The following TTC38 variants were observed in gnomAD, a reference collection of about 807,000 sequenced individuals.
TTC38 encodes the protein tetratricopeptide repeat domain 38.
TTC38 carries 64 observed loss-of-function variants against 64.2 expected under a neutral mutation model. That is an observed-to-expected ratio of 1.00 (90% CI 0.81 to 1.23). TTC38 has a LOEUF of 1.23. Among genes scored for constraint, TTC38 ranks in the 50% most tolerant of loss-of-function variants. The probability of loss-of-function intolerance (pLI) is 0.00; values close to 1 mark genes in which losing one functional copy is unlikely to be tolerated. For synonymous variants in TTC38, 254 were observed against 249.3 expected (o/e 1.02, Z -0.18); for missense variants, 573 against 615.5 (o/e 0.93, Z 0.73).
chr22:46,283,920 T>C (rs1347708900), intron 7 of TTC38, 53 bp from the exon 8 acceptor site: 38 of 1,320,110 alleles, frequency 2.9e-5, no homozygotes, highest in Non-Finnish European at 4.0e-5. Context: ...ATTTGTTTTT[T>C]TCCCATAGGC....
rs567579500 is a variant in TTC38 at position 46,279,177 on chromosome 22, TG to T, written c.615+519del. On this transcript the variant is annotated intron_variant, in intron 6 of 13. Coordinates refer to ENST00000381031, the MANE Select transcript of TTC38 (RefSeq NM_017931.4). ...TCATTGCTGGGTGCCCATGTGTACCTGGGCCCAGGGCTGGGTGGCAGGCTGC... is the reference window on the plus strand; with the variant it reads ...TCATTGCTGGGTGCCCATGTGTACCTGGCCCAGGGCTGGGTGGCAGGCTGC... 8.3e-4 allele frequency among the ~76,000 whole-genome samples: 127 copies of T among 152,308 alleles called. 1 individual carries two copies. Among genetic ancestry groups the T allele is most frequent in the African/African-American group, 2.9e-3 (120 of 41,564 alleles).
chr22:46,282,646 A>G lies in TTC38; in HGVS notation c.735+928A>G, dbSNP rs1277544779. ...CGGGCCTCCAGATTCGGCTCTGTCA[A>G]GGGGGCAGTGGTCAGGTTCCCTTCT... On this transcript the variant is annotated intron_variant, in intron 7 of 13. Transcript: ENST00000381031. The surrounding 1 kb of genome is among the most constrained non-coding windows in gnomAD (Gnocchi z 4.4). Among the ~76,000 whole-genome samples the G allele has an allele frequency of 1.3e-5, 2 of 152,178 alleles. No homozygotes were observed. The highest frequency in any genetic ancestry group is 2.4e-5 in the African/African-American group (1 of 41,434).
chr22:46,292,699 C>T lies in TTC38; in HGVS notation c.1317-92C>T, dbSNP rs6008556. The T allele has an allele frequency of 0.012, 13,555 of 1,166,882 alleles. 988 individuals carry two copies. In the African/African-American group the frequency reaches 0.17, roughly 14 times the overall value. The allele number at this position is 1,166,882 out of a possible 1,614,324, so 72.3% of individuals were successfully genotyped here. Reference sequence around the variant, plus strand: ...TGTTCCCTCAGTGCCGCAGTCTAGCCTGCCTGTGTTCTGCCTTGGGACCAA... The same window carrying T: ...TGTTCCCTCAGTGCCGCAGTCTAGCTTGCCTGTGTTCTGCCTTGGGACCAA... On this transcript the variant is annotated intron_variant, in intron 13 of 13. Coordinates refer to ENST00000381031, the MANE Select transcript of TTC38 (RefSeq NM_017931.4). The surrounding 1 kb of genome is among the most constrained non-coding windows in gnomAD (Gnocchi z 6.5).
At chr22:46,277,046 T>C (rs130644) in intron 5 of TTC38, among the ~76,000 whole-genome samples, 12,936 of 131,148 alleles carry the variant, frequency 0.099, 1,409 homozygotes, top group African/African-American at 0.3. Flanking sequence ...TATATATACA[T>C]ACACACACAC....
In TTC38 at chr22:46,272,959, G is replaced by A. The variant is rs778585188; in HGVS notation, c.193+543G>A. On this transcript the variant is annotated intron_variant, in intron 3 of 13. Coordinates refer to ENST00000381031, the MANE Select transcript of TTC38 (RefSeq NM_017931.4). This position sits in a 1 kb window ranked among gnomAD's most constrained non-coding sequence, Gnocchi z 6.4. ...CAGTGCATTGCAGGTGGGTGGTCCC[G>A]TGGTGCGGCAAGGTTCCGGGCCTGG... 5.9e-5 allele frequency among the ~76,000 whole-genome samples: 9 copies of A among 152,210 alleles called. No homozygotes were observed. The highest frequency in any genetic ancestry group is 1.0e-4 in the Non-Finnish European group (7 of 68,032).
At chr22:46,269,994 A>G (rs1936859886) in intron 2 of TTC38, among the ~76,000 whole-genome samples, 1 of 152,082 alleles carries the variant, frequency 6.6e-6, no homozygotes, top group African/African-American at 2.4e-5. Flanking sequence ...GGGTTTCACC[A>G]TGTTGGTCAG....
In TTC38 at chr22:46,274,376, G is replaced by A. The variant is rs1229487157; in HGVS notation, c.365+307G>A. On this transcript the variant is annotated intron_variant, in intron 4 of 13. Coordinates refer to ENST00000381031, the MANE Select transcript of TTC38 (RefSeq NM_017931.4). This position sits in a 1 kb window ranked among gnomAD's most constrained non-coding sequence, Gnocchi z 4.8. ...TAGGGTCACACTACAGAAATTACTAGGTTAGGGAAGAGAGAAGAAAACATG... is the reference window on the plus strand; with the variant it reads ...TAGGGTCACACTACAGAAATTACTAAGTTAGGGAAGAGAGAAGAAAACATG... 6.6e-6 allele frequency among the ~76,000 whole-genome samples: 1 copy of A among 152,204 alleles called. No individual in the cohort carries two copies. Among genetic ancestry groups the A allele is most frequent in the Non-Finnish European group, 1.5e-5 (1 of 68,032 alleles).
At position 46,291,130 on chromosome 22, in the gene TTC38, G is replaced by A. The variant is rs1011691824; in HGVS notation, c.1316+1231G>A. The stretch of plus-strand genomic sequence containing the variant: ...AGGTCTGGCTGGCAGCACTGGAACC[G>A]CCTAGAACTGTAAAATGTCTTGGAC... On this transcript the variant is annotated intron_variant, in intron 13 of 13. Transcript: ENST00000381031. The surrounding 1 kb of genome is among the most constrained non-coding windows in gnomAD (Gnocchi z 4.6). 6.6e-6 allele frequency among the ~76,000 whole-genome samples: 1 copy of A among 152,216 alleles called. No individual in the cohort carries two copies. Among genetic ancestry groups the A allele is most frequent in the Non-Finnish European group, 1.5e-5 (1 of 68,040 alleles).
intron 7 of TTC38, among the ~76,000 whole-genome samples, chr22:46,283,560 T>C (rs2077549739): frequency 6.6e-6 from 1 of 152,090 alleles, no homozygotes; most frequent in Non-Finnish European, 1.5e-5. Context: ...TCAAAGATGA[T>C]GGTTTCTGTG....
Position 46,288,489 on chromosome 22 carries a change from T to TCCTG in TTC38, c.985_988dup (p.Leu330ProfsTer5), listed in dbSNP as rs1218417897. The TCCTG allele has an allele frequency of 7.4e-6, 12 of 1,613,818 alleles. No individual in the cohort carries two copies. Among genetic ancestry groups the TCCTG allele is most frequent in the Non-Finnish European group, 8.5e-6 (10 of 1,179,900 alleles). On this transcript the variant is annotated frameshift_variant, in exon 11 of 14. Coordinates refer to ENST00000381031, the MANE Select transcript of TTC38 (RefSeq NM_017931.4). LOFTEE classifies it high-confidence loss of function. ...GCCCGGAAGCACAGCCGAGACCACATCCTGCTGTTCAATGACGCACACTTC... is the reference window on the plus strand; with the variant it reads ...GCCCGGAAGCACAGCCGAGACCACATCCTGCCTGCTGTTCAATGACGCACACTTC...
rs2147781393 is a variant in TTC38 at position 46,268,552 on chromosome 22, C to G, written c.72C>G (p.Ser24Arg). ...KDARLPLSTT[S>R]NEACKLFDAT... ...CGAGGCTCCCGCTCTCCACCACAAG[C>G]AACGAAGCCTGCAAGCTGTTCGATG... Residue 24 changes from serine (S) to arginine (R), a missense_variant, in exon 2 of 14, where the codon AGC becomes AGG. By Grantham distance (110) the Ser-to-Arg change is moderately radical. Around this residue, in one of 3 missense-constraint regions of TTC38, gnomAD observed 134 missense variants for 126.5 expected, o/e 1.06. Transcript: ENST00000381031. 6.2e-7 allele frequency: 1 copy of G among 1,614,114 alleles called. No homozygotes were observed. Among genetic ancestry groups the G allele is most frequent in the South Asian group, 1.1e-5 (1 of 91,088 alleles).
chr22:46,275,889 C>T lies in TTC38; in HGVS notation c.539+468C>T, dbSNP rs1936997599. 6.6e-6 allele frequency among the ~76,000 whole-genome samples: 1 copy of T among 152,148 alleles called. No individual in the cohort carries two copies. Among genetic ancestry groups the T allele is most frequent in the Admixed American group, 6.5e-5 (1 of 15,278 alleles). On this transcript the variant is annotated intron_variant, in intron 5 of 13. Coordinates refer to ENST00000381031, the MANE Select transcript of TTC38 (RefSeq NM_017931.4). This position sits in a 1 kb window ranked among gnomAD's most constrained non-coding sequence, Gnocchi z 4.5. ...TAAAGGTTTAGAATGAAAGGATACC[C>T]TGCCACTCCCAAGTCATTGGCCAGA...
rs1039120879 is a variant in TTC38, at chr22:46,271,369, C to T, written c.112-966C>T. Among the ~76,000 whole-genome samples the T allele has an allele frequency of 6.6e-6, 1 of 152,038 alleles. No homozygotes were observed. Among genetic ancestry groups the T allele is most frequent in the East Asian group, 1.9e-4 (1 of 5,188 alleles). ...CTGGGATTACAGGCGCCCACCACCA[C>T]ACCCGGCTGATTTTTTGTATCTTTA... On this transcript the variant is annotated intron_variant, in intron 2 of 13. Coordinates refer to ENST00000381031, the MANE Select transcript of TTC38 (RefSeq NM_017931.4). The surrounding 1 kb of genome is among the most constrained non-coding windows in gnomAD (Gnocchi z 5.5).
rs569052989 is a variant in TTC38, at chr22:46,280,918, T to C, written c.616-681T>C. On this transcript the variant is annotated intron_variant, in intron 6 of 13. Coordinates refer to ENST00000381031, the MANE Select transcript of TTC38 (RefSeq NM_017931.4). ...TAAGCTCTGACTGTGGCTGAGTAGA[T>C]GCTTAGCAAACATGAGCTGAACACA... Among the ~76,000 whole-genome samples, 193 of 152,338 alleles carry C rather than the reference T, an allele frequency of 1.3e-3. 1 individual carries two copies. The highest frequency in any genetic ancestry group is 3.4e-3 in the Middle Eastern group (1 of 294).
Position 46,274,483 on chromosome 22 carries a change from C to T in TTC38, c.365+414C>T, listed in dbSNP as rs890018181. 2.0e-5 allele frequency among the ~76,000 whole-genome samples: 3 copies of T among 152,202 alleles called. No individual in the cohort carries two copies. The highest frequency in any genetic ancestry group is 2.9e-5 in the Non-Finnish European group (2 of 68,038). ...TCTTGCACTGACTTTCACATCATCC[C>T]CCCGCTGTTCCTATGCTGGTTCCCT... is the stretch of plus-strand genomic sequence containing the variant. On this transcript the variant is annotated intron_variant, in intron 4 of 13. Coordinates refer to ENST00000381031, the MANE Select transcript of TTC38 (RefSeq NM_017931.4). The surrounding 1 kb of genome is among the most constrained non-coding windows in gnomAD (Gnocchi z 4.8).
Position 46,275,166 on chromosome 22 carries a change from G to T in TTC38, c.366-82G>T. On this transcript the variant is annotated intron_variant, in intron 4 of 13. Coordinates refer to ENST00000381031, the MANE Select transcript of TTC38 (RefSeq NM_017931.4). This position sits in a 1 kb window ranked among gnomAD's most constrained non-coding sequence, Gnocchi z 4.5. ...ACACATCCATGTAGACCATGACACT[G>T]GTGAGAAACAATGCCTCTTACACTC... 1 of 1,336,856 alleles carries T rather than the reference G, an allele frequency of 7.5e-7. No individual in the cohort carries two copies. The highest frequency in any genetic ancestry group is 1.4e-5 in the South Asian group (1 of 74,010). The allele number at this position is 1,336,856 out of a possible 1,614,324, so 82.8% of individuals were successfully genotyped here.
rs1279300446 is a variant in TTC38 at position 46,281,133 on chromosome 22, A to G, written c.616-466A>G. Among the ~76,000 whole-genome samples the G allele has an allele frequency of 6.6e-6, 1 of 152,276 alleles. No homozygotes were observed. The highest frequency in any genetic ancestry group is 2.4e-5 in the African/African-American group (1 of 41,472). On this transcript the variant is annotated intron_variant, in intron 6 of 13. Transcript: ENST00000381031. This position sits in a 1 kb window ranked among gnomAD's most constrained non-coding sequence, Gnocchi z 5.2. ...TATATGGTAGTGGGAAGAGGCAGTC[A>G]CAGCCACTGGAGGACTTGATAGTTC...
In TTC38 at chr22:46,268,562, T is replaced by C; in HGVS notation, c.82T>C (p.Cys28Arg). ...LPLSTTSNEA[C>R]KLFDATLTQY... Reference sequence around the variant, plus strand: ...GCTCTCCACCACAAGCAACGAAGCCTGCAAGCTGTTCGATGCCACGCTGAC... The same window carrying C: ...GCTCTCCACCACAAGCAACGAAGCCCGCAAGCTGTTCGATGCCACGCTGAC... The change falls in exon 2 of 14, where the codon TGC (cysteine) becomes CGC (arginine). Residue 28 changes from cysteine to arginine, a missense_variant. Physicochemically the swap from Cys to Arg is radical, Grantham distance 180. Transcript: ENST00000381031. The C allele has an allele frequency of 6.2e-7, 1 of 1,614,070 alleles. No individual in the cohort carries two copies. Among genetic ancestry groups the C allele is most frequent in the South Asian group, 1.1e-5 (1 of 91,084 alleles).
intron 2 of TTC38, among the ~76,000 whole-genome samples, chr22:46,269,636 G>C (rs1453497060): frequency 6.6e-6 from 1 of 152,230 alleles, no homozygotes. Context: ...AACAAGAGAG[G>C]ACTGATGGAA....
Sources: allele counts gnomAD v4.1 joint callset (sites outside exome capture counted in the v4.1 genomes callset), GRCh38; gene constraint gnomAD v4.1.1; regional missense constraint gnomAD v4.1.1; non-coding constraint Gnocchi (gnomAD v3.1); transcripts MANE v1.5; gene names NCBI Gene and HGNC (gene_info 2026-07-23, HGNC 2026-07-21).